Variants in PRMT7 observed in about 807,000 individuals in gnomAD.
The protein encoded by PRMT7 is protein arginine N-methyltransferase 7.
A neutral mutation model predicts 85.4 loss-of-function variants in PRMT7; 75 were observed. The observed-to-expected ratio is 0.88, with a 90% CI of 0.73 to 1.06. The LOEUF (loss-of-function observed/expected upper bound fraction) is 1.06, where lower values mean the gene tolerates loss of function less well. Among genes scored for constraint, PRMT7 ranks in the 50% least tolerant of loss-of-function variants. PRMT7 has a pLI of 0.00. For missense variants in PRMT7, 868 were observed against 915.2 expected (o/e 0.95, Z 0.67); for synonymous variants, 397 against 359.5 (o/e 1.10, Z -1.18).
intron 11 of PRMT7, 84 bp from the exon 12 acceptor site, chr16:68,347,127 G>A: frequency 7.7e-7 from 1 of 1,291,404 alleles, no homozygotes; most frequent in Non-Finnish European, 1.1e-6. Flanking sequence ...GGAGTGAGAA[G>A]GGAAGTATTT....
rs1191281797 is a variant in PRMT7 at position 68,357,639 on chromosome 16, T to C, written c.*415T>C. The C allele has an allele frequency of 5.8e-6, 1 of 171,088 alleles. No homozygotes were observed. The highest frequency in any genetic ancestry group is 1.2e-5 in the Non-Finnish European group (1 of 80,378). The allele number at this position is 171,088 out of a possible 1,614,324, so 10.6% of individuals were successfully genotyped here. A position where few individuals can be genotyped will look rare whatever the true frequency, so the allele number is the denominator to read the frequency against. On this transcript the variant is annotated 3_prime_UTR_variant, in exon 19 of 19. Coordinates refer to ENST00000441236, the MANE Select transcript of PRMT7 (RefSeq NM_019023.5). ...GTCCTGTCTGTCTCACTCTCGAGGA[T>C]CTCCGGGTCCCTGCTCTTCTGGCTT...
At chr16:68,315,429 CTG>C (rs1012505831) in intron 2 of PRMT7, 5 of 156,358 alleles carry the variant, frequency 3.2e-5, no homozygotes, top group South Asian at 1.9e-4. Flanking sequence ...TTATGTGTGA[CTG>C]TAATTTATTG....
intron 3 of PRMT7, among the ~76,000 whole-genome samples, chr16:68,319,488 T>G (rs1597137018): frequency 6.8e-6 from 1 of 147,544 alleles, no homozygotes. Context: ...GCCAGGAAGG[T>G]GGTGAGTGAG....
In PRMT7 at chr16:68,347,642, C is replaced by A. The variant is rs764901246; in HGVS notation, c.1287C>A (p.Val429=). ...HHLGVEQVFT[V]ESSAASHKLL... ...GGTGTTCCCTCTAGGTGTTTACAGT[C>A]GAGAGTTCAGCAGCTTCTCACAAAC... The change falls in exon 13 of 19, where the codon GTC becomes GTA. Residue 429 remains valine (V), a synonymous_variant. Transcript: ENST00000441236. 5.0e-6 allele frequency: 8 copies of A among 1,613,620 alleles called. No individual in the cohort carries two copies. Among genetic ancestry groups the A allele is most frequent in the African/African-American group, 1.3e-5 (1 of 74,888 alleles).
At chr16:68,351,041 G>A (rs1009765088) in intron 14 of PRMT7, among the ~76,000 whole-genome samples, 4 of 152,184 alleles carry the variant, frequency 2.6e-5, no homozygotes, top group African/African-American at 9.7e-5. Flanking sequence ...TCCACAAGTC[G>A]CCTTTTTTCT....
chr16:68,349,282 C>A (rs1472739261), intron 14 of PRMT7, among the ~76,000 whole-genome samples: 1 of 152,000 alleles, frequency 6.6e-6, no homozygotes, highest in Non-Finnish European at 1.5e-5. Context: ...TCCCCCGCTT[C>A]CCCTACTGCA....
chr16:68,353,304 T>C (rs2087691752), intron 15 of PRMT7, 188 bp from the exon 16 acceptor site: 1 of 1,310,804 alleles, frequency 7.6e-7, no homozygotes, highest in Non-Finnish European at 1.0e-6. Flanking sequence ...ACGTCAGAGC[T>C]TGCAGGTTCC....
At chr16:68,355,480 A>C in intron 16 of PRMT7, 1 of 405,830 alleles carries the variant, frequency 2.5e-6, no homozygotes, top group Non-Finnish European at 4.4e-6. Context: ...GGCTTGAGAC[A>C]GGCAGCACCA....
intron 16 of PRMT7, chr16:68,355,508 G>A (rs1045160041): frequency 5.7e-5 from 25 of 435,562 alleles, no homozygotes; most frequent in Admixed American, 1.6e-4. Flanking sequence ...TTAAAAATCC[G>A]GAGAGCGAGG....
chr16:68,315,970 A>G lies in PRMT7; in HGVS notation c.-10A>G, dbSNP rs759230831. On this transcript the variant is annotated 5_prime_UTR_variant, in exon 3 of 19. Coordinates refer to ENST00000441236, the MANE Select transcript of PRMT7 (RefSeq NM_019023.5). Reference sequence around the variant, plus strand: ...TTTTCTGTGCTAAAACTGGGGAGCTAGTGGGCACCATGAAGATCTTCTGCA... The same window carrying G: ...TTTTCTGTGCTAAAACTGGGGAGCTGGTGGGCACCATGAAGATCTTCTGCA... The G allele has an allele frequency of 6.2e-7, 1 of 1,612,512 alleles. No homozygotes were observed. The highest frequency in any genetic ancestry group is 1.7e-5 in the Admixed American group (1 of 59,988).
intron 4 of PRMT7, chr16:68,322,555 G>A: frequency 4.5e-6 from 1 of 219,798 alleles, no homozygotes; most frequent in South Asian, 4.3e-5. Context: ...TATGAACATA[G>A]GTGTGATTCT....
chr16:68,332,469 TC>T (rs2084037295), intron 6 of PRMT7, among the ~76,000 whole-genome samples: 1 of 152,170 alleles, frequency 6.6e-6, no homozygotes, highest in Admixed American at 6.5e-5. Context: ...TGCTGAGAGC[TC>T]TAGGTGCTCA....
At chr16:68,356,615 GGTTT>G in intron 17 of PRMT7, 82 bp from the exon 18 acceptor site, 3 of 1,016,920 alleles carry the variant, frequency 3.0e-6, no homozygotes, top group Non-Finnish European at 4.5e-6. Context: ...GAAGACCACA[GGTTT>G]CTGGAAAGCC....
intron 12 of PRMT7, 136 bp downstream of exon 12, chr16:68,347,430 G>A (rs1324671296): frequency 7.4e-6 from 8 of 1,083,702 alleles, no homozygotes; most frequent in Non-Finnish European, 1.1e-5. Context: ...CGGGTCAGGG[G>A]CTGGGGGGTT....
chr16:68,346,835 C>T (rs1438588884), intron 11 of PRMT7, among the ~76,000 whole-genome samples: 1 of 152,038 alleles, frequency 6.6e-6, no homozygotes, highest in African/African-American at 2.4e-5. Context: ...GTCTGTCACC[C>T]AGAAAGGCAT....
intron 3 of PRMT7, among the ~76,000 whole-genome samples, chr16:68,317,221 G>C (rs1288957723): frequency 7.5e-6 from 1 of 133,622 alleles, no homozygotes; most frequent in Non-Finnish European, 1.6e-5. Context: ...CTGGGTAACA[G>C]AGTGAGACTC....
At chr16:68,324,947 A>T in intron 5 of PRMT7, 115 bp downstream of exon 5, 6 of 1,347,406 alleles carry the variant, frequency 4.5e-6, no homozygotes, top group Non-Finnish European at 5.1e-6. Flanking sequence ...ACTCTGTGCC[A>T]AGCACAGAGC....
rs1416031612 is a variant in PRMT7 at position 68,345,656 on chromosome 16, A to C, written c.928-19A>C. The C allele has an allele frequency of 6.2e-7, 1 of 1,612,824 alleles. No individual in the cohort carries two copies. Among genetic ancestry groups the C allele is most frequent in the Admixed American group, 1.7e-5 (1 of 60,002 alleles). ...TCATACTGCAGCTCGTTGACAGCTG[A>C]CTCTGTTCTCCGTTTCAGTGGCGGG... On this transcript the variant is annotated intron_variant, in intron 9 of 18. Transcript: ENST00000441236.
chr16:68,346,011 G>A, intron 10 of PRMT7, 134 bp from the exon 11 acceptor site: 1 of 1,413,542 alleles, frequency 7.1e-7, no homozygotes, highest in Non-Finnish European at 9.6e-7. Context: ...TAGAGCAGAT[G>A]CGTAGGAAAA....
Sources: allele counts gnomAD v4.1 joint callset (sites outside exome capture counted in the v4.1 genomes callset), GRCh38; gene constraint gnomAD v4.1.1; transcripts MANE v1.5; gene names NCBI Gene and HGNC (gene_info 2026-07-23, HGNC 2026-07-21).